Variants in NRG1 observed in about 807,000 individuals in gnomAD.
The protein encoded by NRG1 is neuregulin 1.
Under a neutral mutation model 63.8 loss-of-function variants are expected in NRG1, and 18 were observed. That is an observed-to-expected ratio of 0.28 (90% CI 0.19 to 0.42). The LOEUF is 0.42. Among genes scored for constraint, NRG1 ranks in the 10% least tolerant of loss-of-function variants. The pLI is 1.00. For synonymous variants in NRG1, 302 were observed against 301.3 expected (o/e 1.00, Z -0.02); for missense variants, 762 against 814.7 (o/e 0.94, Z 0.79).
chr8:31,949,117 A>G (rs1339419363), intron 1 of NRG1, among the ~76,000 whole-genome samples: 2 of 152,250 alleles, frequency 1.3e-5, no homozygotes, highest in Non-Finnish European at 2.9e-5. Context: ...GATGATAATC[A>G]TAATAGCTAA....
rs147427132 is a variant in NRG1, at chr8:32,002,424, C to G, written c.37+362993C>G. Among the ~76,000 whole-genome samples, 353 of 152,100 alleles carry G rather than the reference C, an allele frequency of 2.3e-3. 1 individual carries two copies. The highest frequency in any genetic ancestry group is 9.7e-3 in the South Asian group (47 of 4,826). ...TAGGCTTATGGATATTCATTTTATACTTTGGGTTACCATCCAATATGACTT... is the reference window on the plus strand; with the variant it reads ...TAGGCTTATGGATATTCATTTTATAGTTTGGGTTACCATCCAATATGACTT... On this transcript the variant is annotated intron_variant, in intron 1 of 10. Transcript: ENST00000519301.
At chr8:32,486,180 C>T (rs1200601666) in intron 1 of NRG1, among the ~76,000 whole-genome samples, 1 of 152,168 alleles carries the variant, frequency 6.6e-6, no homozygotes, top group Non-Finnish European at 1.5e-5. Flanking sequence ...GATCTGCCCA[C>T]TTCGGCCTCC....
intron 1 of NRG1, among the ~76,000 whole-genome samples, chr8:31,998,839 A>G (rs1464604060): frequency 2.0e-5 from 3 of 151,920 alleles, no homozygotes; most frequent in Non-Finnish European, 2.9e-5. Context: ...TGAACATGCA[A>G]TGTTCATTTT....
chr8:32,298,401 C>A (rs60926226), intron 1 of NRG1, among the ~76,000 whole-genome samples: 7,648 of 152,210 alleles, frequency 0.05, 566 homozygotes, highest in African/African-American at 0.16. Flanking sequence ...AGGCTTTCAT[C>A]TTCCAAACTA....
intron 1 of NRG1, among the ~76,000 whole-genome samples, chr8:32,390,163 G>T (rs1375012871): frequency 1.3e-5 from 2 of 152,064 alleles, no homozygotes; most frequent in African/African-American, 4.8e-5. Flanking sequence ...AAGACGCCAT[G>T]TTCTCCTGGG....
At chr8:31,690,243 A>C (rs62506913) in intron 1 of NRG1, among the ~76,000 whole-genome samples, 119,715 of 151,848 alleles carry the variant, frequency 0.79, 48,118 homozygotes, top group East Asian at 0.99. Context: ...TCATTTATAA[A>C]TTTCCTCTAT....
chr8:32,371,295 T>A (rs146731548), intron 1 of NRG1, among the ~76,000 whole-genome samples: 1 of 152,344 alleles, frequency 6.6e-6, no homozygotes, highest in African/African-American at 2.4e-5. Context: ...AGCCAAGTTC[T>A]ATCAACATTT....
At chr8:32,622,740 A>T (rs1461326409) in intron 5 of NRG1, among the ~76,000 whole-genome samples, 1 of 152,152 alleles carries the variant, frequency 6.6e-6, no homozygotes, top group Admixed American at 6.5e-5. Context: ...TATTTTAAAC[A>T]TATATTGGGA....
intron 1 of NRG1, among the ~76,000 whole-genome samples, chr8:32,232,017 C>T (rs530291032): frequency 6.6e-6 from 1 of 152,238 alleles, no homozygotes; most frequent in Admixed American, 6.5e-5. Flanking sequence ...AATCCTCCCA[C>T]CTCAGCTTTC....
intron 1 of NRG1, among the ~76,000 whole-genome samples, chr8:31,890,641 C>T (rs1831076782): frequency 6.6e-6 from 1 of 152,134 alleles, no homozygotes; most frequent in Admixed American, 6.5e-5. Flanking sequence ...AAAATACCTA[C>T]ATCAGACACA....
intron 1 of NRG1, among the ~76,000 whole-genome samples, chr8:32,129,380 G>A (rs997401476): frequency 4.6e-5 from 7 of 151,832 alleles, no homozygotes; most frequent in Admixed American, 2.6e-4. Context: ...CTTTGGTGGC[G>A]ATCAGTCCTT....
At chr8:32,171,478 G>C (rs1840030596) in intron 1 of NRG1, 1 of 152,344 alleles carries the variant, frequency 6.6e-6, no homozygotes, top group Non-Finnish European at 1.5e-5. Flanking sequence ...TTATCTCACT[G>C]GGGAATGTTG....
intron 1 of NRG1, among the ~76,000 whole-genome samples, chr8:31,971,039 G>A (rs1586166806): frequency 1.4e-5 from 2 of 145,778 alleles, no homozygotes; most frequent in East Asian, 2.0e-4. Flanking sequence ...GTGAGACTCC[G>A]TCCCAAAAGA....
chr8:32,575,677 T>C (rs1367641438), intron 1 of NRG1, among the ~76,000 whole-genome samples: 1 of 152,192 alleles, frequency 6.6e-6, no homozygotes. Flanking sequence ...TAGGAAATTT[T>C]GAGAGAGTAT....
intron 1 of NRG1, among the ~76,000 whole-genome samples, chr8:31,809,390 A>G (rs574525157): frequency 1.4e-5 from 2 of 141,524 alleles, no homozygotes; most frequent in Non-Finnish European, 3.1e-5. Flanking sequence ...ACGTGTATAT[A>G]TATGTGTGTG....
At chr8:32,017,057 C>T (rs1464471614) in intron 1 of NRG1, among the ~76,000 whole-genome samples, 1 of 152,204 alleles carries the variant, frequency 6.6e-6, no homozygotes, top group Non-Finnish European at 1.5e-5. Context: ...AGCATCAAAA[C>T]AGAGAGGAAA....
intron 5 of NRG1, among the ~76,000 whole-genome samples, chr8:32,637,594 A>G (rs917199905): frequency 6.6e-6 from 1 of 152,172 alleles, no homozygotes; most frequent in African/African-American, 2.4e-5. Context: ...GAGCTACTGC[A>G]GTAATGTTCG....
chr8:32,120,210 A>G (rs1833257792), intron 1 of NRG1, among the ~76,000 whole-genome samples: 1 of 152,138 alleles, frequency 6.6e-6, no homozygotes, highest in Non-Finnish European at 1.5e-5. Context: ...ACATTTCAAA[A>G]GAAATATGTC....
chr8:32,028,896 G>C (rs374213597), intron 1 of NRG1, among the ~76,000 whole-genome samples: 1 of 50,840 alleles, frequency 2.0e-5, no homozygotes, highest in Non-Finnish European at 8.3e-5. Context: ...AATGAGTGAT[G>C]AAAAAGTTTT....
Sources: gnomAD v4.1 joint callset for allele counts (sites outside exome capture counted in the v4.1 genomes callset) on GRCh38, gnomAD v4.1.1 for gene constraint, MANE v1.5 for transcripts, NCBI Gene and HGNC (gene_info 2026-07-23, HGNC 2026-07-21) for gene names.